Variants in MACROD2 observed in about 807,000 individuals in gnomAD.
MACROD2 encodes ADP-ribose glycohydrolase MACROD2.
In MACROD2, 36 loss-of-function variants were observed where a neutral mutation model predicts 70.4. The observed-to-expected ratio is 0.51, with a 90% confidence interval of 0.39 to 0.68. The LOEUF is 0.68. Ranked by LOEUF, MACROD2 falls within the 30% of genes least tolerant of loss-of-function variation. The pLI is 0.00. For synonymous variants in MACROD2, 172 were observed against 178.8 expected (o/e 0.96, Z 0.30); for missense variants, 496 against 538.4 (o/e 0.92, Z 0.78).
intron 8 of MACROD2, among the ~76,000 whole-genome samples, chr20:15,715,706 A>T (rs2050698334): frequency 6.6e-6 from 1 of 152,142 alleles, no homozygotes; most frequent in Non-Finnish European, 1.5e-5. Context: ...CACTCTGCTA[A>T]TTTTACATAC....
At position 14,978,194 on chromosome 20, in the gene MACROD2, C is replaced by A. The variant is rs186750941; in HGVS notation, c.419-251746C>A. Among the ~76,000 whole-genome samples the A allele has an allele frequency of 2.6e-5, 4 of 152,136 alleles. No homozygotes were observed. The East Asian group carries it at 7.7e-4, about 29-fold the overall frequency. On this transcript the variant is annotated intron_variant, in intron 5 of 17. Transcript: ENST00000684519. ...TTTAAGTGAGAAGCTAATTTACCTG[C>A]CAGCATATTTAGCTTTGTTGAGATT...
chr20:15,291,761 A>G (rs549280549), intron 6 of MACROD2, among the ~76,000 whole-genome samples: 79 of 152,328 alleles, frequency 5.2e-4, no homozygotes, highest in African/African-American at 1.9e-3. Context: ...ATATATATCA[A>G]TAATTAGTTC....
At chr20:15,491,227 T>G (rs953200454) in intron 7 of MACROD2, among the ~76,000 whole-genome samples, 8 of 152,188 alleles carry the variant, frequency 5.3e-5, no homozygotes, top group Admixed American at 2.6e-4. Context: ...AGTGAAATAT[T>G]ATGTTACCGT....
At chr20:15,568,667 G>C (rs1297322460) in intron 8 of MACROD2, among the ~76,000 whole-genome samples, 1 of 152,192 alleles carries the variant, frequency 6.6e-6, no homozygotes, top group Non-Finnish European at 1.5e-5. Context: ...CTGCAAGAGA[G>C]GCTGGGAAAC....
At chr20:15,648,078 T>C (rs1206338541) in intron 8 of MACROD2, among the ~76,000 whole-genome samples, 4 of 152,102 alleles carry the variant, frequency 2.6e-5, no homozygotes, top group Non-Finnish European at 5.9e-5. Context: ...TGTCTATAGA[T>C]TGTTCTCAAA....
At chr20:14,739,008 G>T (rs1217372529) in intron 5 of MACROD2, among the ~76,000 whole-genome samples, 2 of 151,878 alleles carry the variant, frequency 1.3e-5, no homozygotes, top group Non-Finnish European at 2.9e-5. Flanking sequence ...TAAAATATTT[G>T]TAAAATCTTT....
chr20:14,828,973 A>G (rs1436228024), intron 5 of MACROD2, among the ~76,000 whole-genome samples: 10 of 115,562 alleles, frequency 8.7e-5, no homozygotes, highest in Non-Finnish European at 1.9e-4. Context: ...TTTTTTTTCT[A>G]TTTAATGTTA....
intron 3 of MACROD2, chr20:14,323,575 T>A (rs375651284): frequency 5.3e-5 from 8 of 152,168 alleles, no homozygotes; most frequent in African/African-American, 1.4e-4. Context: ...GAGGTTAGGG[T>A]TTGGGGTTGT....
intron 3 of MACROD2, among the ~76,000 whole-genome samples, chr20:14,320,551 A>G (rs1222761862): frequency 6.6e-6 from 1 of 151,820 alleles, no homozygotes; most frequent in East Asian, 1.9e-4. Flanking sequence ...TGGAAAATAT[A>G]CCTTTCCAGT....
In MACROD2 at chr20:14,629,757, G is replaced by A. The variant is rs1251785662; in HGVS notation, c.302-55086G>A. On this transcript the variant is annotated intron_variant, in intron 4 of 17. Transcript: ENST00000684519. ...TGCTGTCAATGAGCTTTGCAGACTGGTTCTTTTCCCTCTAGCCAAGCCTTT... is the reference window on the plus strand; with the variant it reads ...TGCTGTCAATGAGCTTTGCAGACTGATTCTTTTCCCTCTAGCCAAGCCTTT... 3.9e-5 allele frequency among the ~76,000 whole-genome samples: 6 copies of A among 152,270 alleles called. No homozygotes were observed. The South Asian group carries it at 1.2e-3, about 32-fold the overall frequency.
At chr20:14,065,544 A>T (rs372733747) in intron 2 of MACROD2, among the ~76,000 whole-genome samples, 15 of 152,196 alleles carry the variant, frequency 9.9e-5, no homozygotes, top group African/African-American at 3.1e-4. Flanking sequence ...CTCAACTCAG[A>T]TTAGTAATAA....
intron 8 of MACROD2, among the ~76,000 whole-genome samples, chr20:15,675,665 A>C (rs1046674013): frequency 3.9e-5 from 6 of 152,240 alleles, no homozygotes; most frequent in African/African-American, 1.4e-4. Flanking sequence ...TAAATGCAGT[A>C]TATGACTAAG....
At chr20:14,404,846 GTATC>G (rs1002177708) in intron 3 of MACROD2, among the ~76,000 whole-genome samples, 2 of 151,638 alleles carry the variant, frequency 1.3e-5, no homozygotes, top group Admixed American at 6.6e-5. Context: ...TCCAAATACA[GTATC>G]TATCAGTAAT....
At chr20:14,871,309 A>T (rs947910848) in intron 5 of MACROD2, among the ~76,000 whole-genome samples, 1 of 152,172 alleles carries the variant, frequency 6.6e-6, no homozygotes, top group African/African-American at 2.4e-5. Context: ...TTAGACTAAC[A>T]GTGGACCGCT....
chr20:14,582,804 A>C (rs529252103), intron 4 of MACROD2, among the ~76,000 whole-genome samples: 1 of 152,190 alleles, frequency 6.6e-6, no homozygotes, highest in Non-Finnish European at 1.5e-5. Flanking sequence ...TGTTTGAAAC[A>C]TATATATGTG....
At chr20:15,252,108 A>G (rs2077160954) in intron 6 of MACROD2, among the ~76,000 whole-genome samples, 1 of 152,222 alleles carries the variant, frequency 6.6e-6, no homozygotes, top group Non-Finnish European at 1.5e-5. Flanking sequence ...GGGCTAAGGT[A>G]AGGATTATTG....
intron 5 of MACROD2, among the ~76,000 whole-genome samples, chr20:15,056,554 T>C (rs999765028): frequency 1.3e-5 from 2 of 152,162 alleles, no homozygotes; most frequent in Non-Finnish European, 2.9e-5. Context: ...ATGGCACGTT[T>C]CTTTCCCCTT....
intron 6 of MACROD2, among the ~76,000 whole-genome samples, chr20:15,412,877 A>G (rs2046097052): frequency 6.6e-6 from 1 of 152,252 alleles, no homozygotes; most frequent in South Asian, 2.1e-4. Flanking sequence ...CTCATAAAAT[A>G]TCATAGGGAG....
At chr20:15,723,202 C>A (rs1274808956) in intron 8 of MACROD2, among the ~76,000 whole-genome samples, 1 of 152,166 alleles carries the variant, frequency 6.6e-6, no homozygotes, top group Non-Finnish European at 1.5e-5. Context: ...TACCCACCAC[C>A]CCCACACAAA....
Sources: gnomAD v4.1 joint callset for allele counts (sites outside exome capture counted in the v4.1 genomes callset) on GRCh38, gnomAD v4.1.1 for gene constraint, MANE v1.5 for transcripts, NCBI Gene and HGNC (gene_info 2026-07-23, HGNC 2026-07-21) for gene names.